Variants in CCDC149 observed in about 807,000 individuals in gnomAD.
CCDC149 encodes coiled-coil domain containing 149.
In CCDC149, 45 loss-of-function variants were observed where a neutral mutation model predicts 59.9. That is an observed-to-expected ratio of 0.75 (90% CI 0.59 to 0.96). The LOEUF is 0.96. Among genes scored for constraint, CCDC149 ranks in the 40% least tolerant of loss-of-function variants. The probability of loss-of-function intolerance (pLI) is 0.00; values close to 1 mark genes in which losing one functional copy is unlikely to be tolerated. For synonymous variants in CCDC149, 245 were observed against 260.6 expected, an observed-to-expected ratio of 0.94 and a Z score of 0.58; for missense variants, 584 against 664.7, an observed-to-expected ratio of 0.88 and a Z score of 1.33.
intron 1 of CCDC149, among the ~76,000 whole-genome samples, chr4:24,975,094 C>T (rs1381172576): frequency 6.6e-6 from 1 of 152,048 alleles, no homozygotes; most frequent in East Asian, 1.9e-4. Flanking sequence ...TGCCTTATGC[C>T]ATGTGAGGTT....
At chr4:24,977,955 A>G (rs1350746482) in intron 1 of CCDC149, among the ~76,000 whole-genome samples, 1 of 152,158 alleles carries the variant, frequency 6.6e-6, no homozygotes, top group Non-Finnish European at 1.5e-5. Flanking sequence ...TAACATAACC[A>G]CAATCCCATC....
At chr4:24,890,740 T>C (rs1577456339) in intron 1 of CCDC149, among the ~76,000 whole-genome samples, 1 of 152,246 alleles carries the variant, frequency 6.6e-6, no homozygotes, top group Non-Finnish European at 1.5e-5. Flanking sequence ...AGCTCTCTGA[T>C]ACTTGAGTCA....
At chr4:24,899,802 A>G (rs995124906) in intron 1 of CCDC149, among the ~76,000 whole-genome samples, 28 of 152,296 alleles carry the variant, frequency 1.8e-4, no homozygotes, top group African/African-American at 6.5e-4. Context: ...ATACTTGGGT[A>G]CTTGGGACCC....
At chr4:24,946,458 C>G (rs1723112057) in intron 1 of CCDC149, among the ~76,000 whole-genome samples, 1 of 152,184 alleles carries the variant, frequency 6.6e-6, no homozygotes, top group Non-Finnish European at 1.5e-5. Flanking sequence ...ATCATTCAAA[C>G]ATAACACTTT....
chr4:24,952,627 ATATATATATAT>A (rs1274042319), intron 1 of CCDC149, among the ~76,000 whole-genome samples: 34 of 9,326 alleles, frequency 3.6e-3, no homozygotes, highest in African/African-American at 0.012. Context: ...AAAAAAAAAA[ATATATATATAT>A]ATATATATAT....
At chr4:24,848,700 C>T (rs890887829) in intron 4 of CCDC149, among the ~76,000 whole-genome samples, 3 of 150,146 alleles carry the variant, frequency 2.0e-5, no homozygotes, top group African/African-American at 7.5e-5. Flanking sequence ...TGAAAGTTCT[C>T]GACTTAAGGA....
At chr4:24,944,101 G>A (rs1306539985) in intron 1 of CCDC149, among the ~76,000 whole-genome samples, 3 of 152,142 alleles carry the variant, frequency 2.0e-5, no homozygotes, top group South Asian at 2.1e-4. Context: ...ACATGCACAC[G>A]TATGTTTATT....
At chr4:24,929,235 C>T (rs935384821) in intron 1 of CCDC149, among the ~76,000 whole-genome samples, 1 of 152,152 alleles carries the variant, frequency 6.6e-6, no homozygotes, top group Non-Finnish European at 1.5e-5. Context: ...TCAAAAACAG[C>T]CCGTCGTCTG....
chr4:24,900,670 T>C (rs1219418295), intron 1 of CCDC149, among the ~76,000 whole-genome samples: 1 of 152,200 alleles, frequency 6.6e-6, no homozygotes, highest in Non-Finnish European at 1.5e-5. Flanking sequence ...CTTTCTTAGG[T>C]AGCATGTGAG....
chr4:24,844,146 T>C lies in CCDC149; in HGVS notation c.373-5874A>G, dbSNP rs1717112093. Among the ~76,000 whole-genome samples the C allele has an allele frequency of 2.6e-5, 4 of 152,232 alleles. No individual in the cohort carries two copies. The Middle Eastern group carries it at 0.01, about 388-fold the overall frequency. ...ACACTGCCCTGCCTCTCTGTCTTCATCATACTTACCAGAAATAATCGCGTT... is the reference window on the plus strand; with the variant it reads ...ACACTGCCCTGCCTCTCTGTCTTCACCATACTTACCAGAAATAATCGCGTT... On this transcript the variant is annotated intron_variant, in intron 4 of 12. Coordinates refer to ENST00000635206, the MANE Select transcript of CCDC149 (RefSeq NM_001330643.2).
At chr4:24,886,633 C>T (rs890623601) in intron 1 of CCDC149, among the ~76,000 whole-genome samples, 1 of 152,204 alleles carries the variant, frequency 6.6e-6, no homozygotes, top group Non-Finnish European at 1.5e-5. Flanking sequence ...CTCAACCTTG[C>T]TAAAGCTCCC....
chr4:24,965,773 T>C (rs1478207374), intron 1 of CCDC149, among the ~76,000 whole-genome samples: 1 of 152,290 alleles, frequency 6.6e-6, no homozygotes, highest in East Asian at 1.9e-4. Context: ...CAGGACTACC[T>C]CCCTGAAAAG....
intron 4 of CCDC149, among the ~76,000 whole-genome samples, chr4:24,850,630 G>T (rs1380329466): frequency 6.6e-6 from 1 of 152,052 alleles, no homozygotes; most frequent in Non-Finnish European, 1.5e-5. Flanking sequence ...AGATCATGGG[G>T]GCCTAGCACA....
At chr4:24,914,383 C>T (rs1577482769), upstream of CCDC149, among the ~76,000 whole-genome samples, 1 of 25,570 alleles carries the variant, frequency 3.9e-5, no homozygotes, top group African/African-American at 9.0e-5. Flanking sequence ...CATGTGTTAC[C>T]AGAAAAAAAA....
Position 24,932,878 on chromosome 4 carries a change from C to A in CCDC149, c.-64-37760G>T, listed in dbSNP as rs539640612. Among the ~76,000 whole-genome samples the A allele has an allele frequency of 2.0e-4, 30 of 152,190 alleles. No individual in the cohort carries two copies. In the South Asian group the frequency reaches 6.2e-3, roughly 32 times the overall value. On this transcript the variant is annotated intron_variant, in intron 1 of 12. Transcript: ENST00000389609. ...CATTTAGAAAGAAAATGGAGCTGTG[C>A]GAACCAATTTAGAGCCATCAGAGCA...
At chr4:24,883,004 CG>C (rs1719937625) in intron 1 of CCDC149, among the ~76,000 whole-genome samples, 1 of 151,568 alleles carries the variant, frequency 6.6e-6, no homozygotes, top group Admixed American at 6.6e-5. Context: ...CATATGCTTA[CG>C]TGCCTGTCCC....
chr4:24,897,876 G>A (rs372784701), intron 1 of CCDC149, among the ~76,000 whole-genome samples: 7 of 152,342 alleles, frequency 4.6e-5, no homozygotes, highest in African/African-American at 1.4e-4. Context: ...CATGCATGCT[G>A]CAAAGTCTGG....
chr4:24,963,302 C>A (rs1477957241), intron 1 of CCDC149, among the ~76,000 whole-genome samples: 1 of 105,064 alleles, frequency 9.5e-6, no homozygotes, highest in Non-Finnish European at 1.8e-5. Flanking sequence ...CCACTCCCCA[C>A]CTGGCCAAAG....
chr4:24,914,985 C>T (rs1560255222), upstream of CCDC149, among the ~76,000 whole-genome samples: 2 of 152,324 alleles, frequency 1.3e-5, no homozygotes, highest in East Asian at 1.9e-4. Context: ...TAACATTGCA[C>T]ACCATGGTCC....
Sources: allele counts gnomAD v4.1 joint callset (sites outside exome capture counted in the v4.1 genomes callset), GRCh38; gene constraint gnomAD v4.1.1; transcripts MANE v1.5; gene names NCBI Gene and HGNC (gene_info 2026-07-23, HGNC 2026-07-21).